The following TMEM245 variants were observed in gnomAD, a reference collection of about 807,000 sequenced individuals.
TMEM245 encodes transmembrane protein 245.
In TMEM245, 69 loss-of-function variants were observed where a neutral mutation model predicts 101.2. The ratio of observed to expected loss-of-function variants is 0.68; its 90% CI spans 0.56 to 0.83. TMEM245 has a LOEUF of 0.83. TMEM245 is among the 40% of genes least tolerant of loss of function. The pLI, the probability that TMEM245 is intolerant of heterozygous loss-of-function variation, is 0.00. For synonymous variants in TMEM245, 537 were observed against 449.8 expected (o/e 1.19, Z -2.45); for missense variants, 1,075 against 1,092.8 (o/e 0.98, Z 0.23).
At chr9:109,067,667 T>C (rs1045940307) in intron 9 of TMEM245, among the ~76,000 whole-genome samples, 1 of 152,014 alleles carries the variant, frequency 6.6e-6, no homozygotes, top group Non-Finnish European at 1.5e-5. Flanking sequence ...AAGCAGAAAA[T>C]GAGCTCCCGA....
intron 2 of TMEM245, among the ~76,000 whole-genome samples, chr9:109,107,583 T>C (rs530386980): frequency 2.0e-5 from 3 of 152,102 alleles, no homozygotes; most frequent in South Asian, 2.1e-4. Flanking sequence ...TCCTCTATCA[T>C]TCCAACTCAA....
rs368254794 is a variant in TMEM245 at position 109,115,593 on chromosome 9, C to T, written c.579+3742G>A. 2.1e-4 allele frequency among the ~76,000 whole-genome samples: 29 copies of T among 137,988 alleles called. No homozygotes were observed. The East Asian group carries it at 4.0e-3, about 19-fold the overall frequency. The allele number at this position is 137,988 out of a possible 152,430, so 90.5% of individuals were successfully genotyped here. On this transcript the variant is annotated intron_variant, in intron 1 of 17. Transcript: ENST00000374586. ...TTGCCCAGGCTGGAGTGCAATGGCG[C>T]GACCTGGGCTCATTACAACCTCTGC...
chr9:109,088,815 CAAAAAAAAA>C (rs772216738), intron 5 of TMEM245, among the ~76,000 whole-genome samples: 1 of 67,464 alleles, frequency 1.5e-5, no homozygotes. Context: ...GACTACATCT[CAAAAAAAAA>C]AAAAAAAAAA....
chr9:109,047,755 G>A (rs1020596887), intron 14 of TMEM245, among the ~76,000 whole-genome samples: 5 of 152,154 alleles, frequency 3.3e-5, no homozygotes, highest in Admixed American at 1.3e-4. Context: ...GAAAATGGAA[G>A]CATCATCTTT....
chr9:109,042,669 A>C (rs1828347504), intron 14 of TMEM245, among the ~76,000 whole-genome samples: 1 of 152,012 alleles, frequency 6.6e-6, no homozygotes. Flanking sequence ...ATTGAGATGA[A>C]GCTCATATAA....
chr9:109,029,712 T>C (rs12686767), intron 17 of TMEM245, among the ~76,000 whole-genome samples: 19,107 of 151,628 alleles, frequency 0.13, 1,583 homozygotes, highest in Middle Eastern at 0.19. Flanking sequence ...CAAGGGAGAG[T>C]TGAGGGAATA....
chr9:109,054,286 G>A lies in TMEM245; in HGVS notation c.1854+2905C>T, dbSNP rs1828772745. On this transcript the variant is annotated intron_variant, in intron 12 of 17. Transcript: ENST00000374586. The stretch of plus-strand genomic sequence containing the variant: ...TTGAGCCCAGGAGGTCAAGGATGCA[G>A]TAAGCCACAGTCAAACTACTGCACT... 2.0e-5 allele frequency among the ~76,000 whole-genome samples: 3 copies of A among 152,176 alleles called. No individual in the cohort carries two copies. In the South Asian group the frequency reaches 6.2e-4, roughly 32 times the overall value.
At position 109,096,035 on chromosome 9, in the gene TMEM245, G is replaced by A. The variant is rs570846853; in HGVS notation, c.800-2444C>T. On this transcript the variant is annotated intron_variant, in intron 3 of 17. Transcript: ENST00000374586. ...GTTAAAGAGACGTAGAAGAGTCAAA[G>A]CGGACCACACTTGATGAGGAAGCAA... Among the ~76,000 whole-genome samples the A allele has an allele frequency of 3.3e-5, 5 of 152,320 alleles. No individual in the cohort carries two copies. The East Asian group carries it at 9.6e-4, about 29-fold the overall frequency.
intron 3 of TMEM245, among the ~76,000 whole-genome samples, chr9:109,105,330 C>T (rs776482699): frequency 5.9e-5 from 9 of 152,112 alleles, no homozygotes; most frequent in Non-Finnish European, 1.0e-4. Flanking sequence ...CTGGACTGGC[C>T]ATTATCAAAA....
intron 8 of TMEM245, among the ~76,000 whole-genome samples, chr9:109,074,145 C>T (rs1423432700): frequency 6.6e-6 from 1 of 152,026 alleles, no homozygotes; most frequent in Non-Finnish European, 1.5e-5. Flanking sequence ...CAGGTGTGAG[C>T]CACTGTAAGT....
intron 14 of TMEM245, among the ~76,000 whole-genome samples, chr9:109,048,499 G>T (rs1828569216): frequency 6.6e-6 from 1 of 152,084 alleles, no homozygotes; most frequent in African/African-American, 2.4e-5. Flanking sequence ...AAAGTATGTG[G>T]AGACAGAAAT....
chr9:109,060,464 C>A lies in TMEM245; in HGVS notation c.1624-12G>T. On this transcript the variant is annotated splice_polypyrimidine_tract_variant and intron_variant, in intron 10 of 17. Coordinates refer to ENST00000374586, the MANE Select transcript of TMEM245 (RefSeq NM_032012.4). ...AGAATTTTATGGAGCTAGAAAAAAA[C>A]ACAGATACGACGTGGTACAATATTT... The A allele has an allele frequency of 6.4e-7, 1 of 1,570,076 alleles. No individual in the cohort carries two copies. Among genetic ancestry groups the A allele is most frequent in the Non-Finnish European group, 8.8e-7 (1 of 1,142,158 alleles).
chr9:109,049,930 C>T (rs1189619198), intron 14 of TMEM245, among the ~76,000 whole-genome samples: 1 of 152,176 alleles, frequency 6.6e-6, no homozygotes, highest in Admixed American at 6.5e-5. Flanking sequence ...GCTGGGGTTA[C>T]AGGTGCATGC....
chr9:109,027,526 CAGG>C lies in TMEM245; in HGVS notation c.2594+5778_2594+5780del, dbSNP rs201389421. Among the ~76,000 whole-genome samples, 813 of 152,230 alleles carry C rather than the reference CAGG, an allele frequency of 5.3e-3. 15 individuals are homozygous for C. The highest frequency in any genetic ancestry group is 0.028 in the East Asian group (144 of 5,170). The stretch of plus-strand genomic sequence containing the variant: ...GGCAGCCAGGCTTTTAGTCTCTAGC[CAGG>C]AGATTAGAAGCTCTTTCTTTGAGGA... On this transcript the variant is annotated intron_variant, in intron 17 of 17. Coordinates refer to ENST00000374586, the MANE Select transcript of TMEM245 (RefSeq NM_032012.4).
intron 15 of TMEM245, among the ~76,000 whole-genome samples, chr9:109,036,719 C>T (rs1048937634): frequency 1.3e-5 from 2 of 152,144 alleles, no homozygotes; most frequent in African/African-American, 4.8e-5. Context: ...TGTGTCAAAA[C>T]TTGTACTGAG....
chr9:109,098,799 G>A (rs550606737), intron 3 of TMEM245, among the ~76,000 whole-genome samples: 2 of 142,652 alleles, frequency 1.4e-5, no homozygotes, highest in Non-Finnish European at 3.1e-5. Flanking sequence ...GCATTAAGCA[G>A]AAGCCAAATA....
chr9:109,032,924 A>T (rs184835611), intron 17 of TMEM245, among the ~76,000 whole-genome samples: 2 of 148,300 alleles, frequency 1.3e-5, no homozygotes, highest in Non-Finnish European at 3.0e-5. Flanking sequence ...TCAGCCTCCC[A>T]AACAGCTGGG....
At position 109,087,354 on chromosome 9, in the gene TMEM245, C is replaced by CA. The variant is rs1415863730; in HGVS notation, c.1151-13dup. 1.3e-6 allele frequency: 2 copies of CA among 1,576,422 alleles called. No homozygotes were observed. Among genetic ancestry groups the CA allele is most frequent in the Admixed American group, 2.0e-5 (1 of 49,734 alleles). On this transcript the variant is annotated splice_polypyrimidine_tract_variant and intron_variant, in intron 5 of 17. Coordinates refer to ENST00000374586, the MANE Select transcript of TMEM245 (RefSeq NM_032012.4). ...TTTGAGTATCCAGACTAAAAAAAGA[C>CA]AAAAAATACATATATAAACAAAATA...
chr9:109,109,271 T>C (rs1456824593), intron 1 of TMEM245, among the ~76,000 whole-genome samples: 1 of 152,130 alleles, frequency 6.6e-6, no homozygotes, highest in Non-Finnish European at 1.5e-5. Flanking sequence ...CCCTAGAGCT[T>C]AAGACGCATC....
Sources: gnomAD v4.1 joint callset for allele counts (sites outside exome capture counted in the v4.1 genomes callset) on GRCh38, gnomAD v4.1.1 for gene constraint, MANE v1.5 for transcripts, NCBI Gene and HGNC (gene_info 2026-07-23, HGNC 2026-07-21) for gene names.